TFDP2: variants seen among roughly 807,000 people sequenced by gnomAD.
The protein encoded by TFDP2 is transcription factor Dp-2.
In TFDP2, 17 loss-of-function variants were observed where a neutral mutation model predicts 59.3. The ratio of observed to expected loss-of-function variants is 0.29; its 90% confidence interval spans 0.20 to 0.43. TFDP2 has a LOEUF of 0.43. Ranked by LOEUF, TFDP2 falls within the 20% of genes least tolerant of loss-of-function variation. The pLI, the probability that TFDP2 is intolerant of heterozygous loss-of-function variation, is 1.00. For synonymous variants in TFDP2, 180 were observed against 194.7 expected (o/e 0.92, Z 0.63); for missense variants, 391 against 528.8 (o/e 0.74, Z 2.56).
At chr3:142,042,638 T>C (rs868271639) in intron 3 of TFDP2, among the ~76,000 whole-genome samples, 1,793 of 148,588 alleles carry the variant, frequency 0.012, 41 homozygotes, top group African/African-American at 0.042. Context: ...TTCTTTTTTT[T>C]TTTTTTTTTT....
intron 2 of TFDP2, among the ~76,000 whole-genome samples, chr3:142,095,855 CT>C (rs1308954713): frequency 7.9e-5 from 12 of 152,260 alleles, no homozygotes; most frequent in African/African-American, 2.6e-4. Flanking sequence ...CAAAGACAGC[CT>C]TTAATAAATT....
At chr3:142,051,638 C>G (rs185546910) in intron 3 of TFDP2, among the ~76,000 whole-genome samples, 1 of 152,016 alleles carries the variant, frequency 6.6e-6, no homozygotes, top group Non-Finnish European at 1.5e-5. Context: ...AGATAAGACA[C>G]GTACATCAAT....
At position 142,023,873 on chromosome 3, in the gene TFDP2, C is replaced by T. The variant is rs188644781; in HGVS notation, c.83-18329G>A. ...GGCCGGAGTGCAGTGGCATGATCTC[C>T]ACTCACTGCAGCCCTGACCTGGGCT... On this transcript the variant is annotated intron_variant, in intron 3 of 12. Transcript: ENST00000489671. Among the ~76,000 whole-genome samples, 14 of 152,214 alleles carry T rather than the reference C, an allele frequency of 9.2e-5. No individual in the cohort carries two copies. The East Asian group carries it at 1.2e-3, about 13-fold the overall frequency.
intron 3 of TFDP2, among the ~76,000 whole-genome samples, chr3:142,033,582 C>T (rs1946537764): frequency 6.6e-6 from 1 of 152,048 alleles, no homozygotes; most frequent in Non-Finnish European, 1.5e-5. Context: ...GGAAAGAAAG[C>T]AAAGATTCTA....
intron 11 of TFDP2, among the ~76,000 whole-genome samples, chr3:141,953,800 T>TA (rs1936221776): frequency 9.2e-6 from 1 of 109,128 alleles, no homozygotes; most frequent in African/African-American, 3.7e-5. Flanking sequence ...ACCCCACAAC[T>TA]AGCTCTTATT....
rs566266350 is a variant in TFDP2 at position 142,100,466 on chromosome 3, G to A, written c.15+1269C>T. Among the ~76,000 whole-genome samples the A allele has an allele frequency of 8.5e-5, 13 of 152,242 alleles. No homozygotes were observed. In the East Asian group the frequency reaches 1.7e-3, roughly 20 times the overall value. On this transcript the variant is annotated intron_variant, in intron 2 of 12. Transcript: ENST00000489671. ...CAGCTTACTGCAACCTCCGCCTCCC[G>A]GGTTCAAGGGATTCTCCTGCCTCAG...
intron 9 of TFDP2, among the ~76,000 whole-genome samples, chr3:141,964,707 T>C (rs1308706152): frequency 6.6e-6 from 1 of 152,106 alleles, no homozygotes; most frequent in Non-Finnish European, 1.5e-5. Context: ...CTGTTGAGGC[T>C]GGCTGCAGTG....
intron 6 of TFDP2, chr3:141,988,949 T>C (rs76714911): frequency 0.074 from 11,342 of 152,336 alleles, 526 homozygotes; most frequent in Non-Finnish European, 0.11. Flanking sequence ...CACGCCCGGC[T>C]GGCAATCATG....
chr3:142,114,333 C>T (rs544556398), intron 1 of TFDP2, among the ~76,000 whole-genome samples: 9 of 152,128 alleles, frequency 5.9e-5, no homozygotes, highest in Admixed American at 3.9e-4. Flanking sequence ...AAGCAGTTTT[C>T]ATTTTAAAGT....
intron 3 of TFDP2, among the ~76,000 whole-genome samples, chr3:142,021,368 G>GA (rs1382729709): frequency 6.6e-6 from 1 of 152,182 alleles, no homozygotes; most frequent in Non-Finnish European, 1.5e-5. Context: ...GGAAAAGCCT[G>GA]AATGTTTCTG....
In TFDP2 at chr3:142,018,231, A is replaced by G. The variant is rs145949223; in HGVS notation, c.83-12687T>C. ...AGTGCTAGGATTACAGGCGTCAGCC[A>G]CCGTACCAGGCCTCAATGTTTATTT... is the stretch of plus-strand genomic sequence containing the variant. On this transcript the variant is annotated intron_variant, in intron 3 of 12. Coordinates refer to ENST00000489671, the MANE Select transcript of TFDP2 (RefSeq NM_001178139.2). 2.2e-3 allele frequency among the ~76,000 whole-genome samples: 331 copies of G among 152,230 alleles called. 1 individual carries two copies. The highest frequency in any genetic ancestry group is 7.6e-3 in the African/African-American group (314 of 41,542).
At chr3:142,005,666 T>C in intron 3 of TFDP2, 122 bp from the exon 4 acceptor site, 1 of 612,376 alleles carries the variant, frequency 1.6e-6, no homozygotes, top group Admixed American at 3.4e-5. Flanking sequence ...TTAGGAAGCA[T>C]ATTATGAACA....
intron 3 of TFDP2, among the ~76,000 whole-genome samples, chr3:142,042,625 CTTTTCTT>C (rs1320497367): frequency 2.4e-4 from 17 of 70,628 alleles, no homozygotes; most frequent in African/African-American, 6.3e-4. Flanking sequence ...CTTTTCTTTT[CTTTTCTT>C]TTTTTTTTTT....
At chr3:142,008,059 T>C (rs1944356621) in intron 3 of TFDP2, among the ~76,000 whole-genome samples, 1 of 152,112 alleles carries the variant, frequency 6.6e-6, no homozygotes, top group Non-Finnish European at 1.5e-5. Context: ...ACAGTTACCC[T>C]CTAACTCAGT....
intron 9 of TFDP2, among the ~76,000 whole-genome samples, chr3:141,967,440 G>A (rs1200701086): frequency 6.6e-6 from 1 of 151,034 alleles, no homozygotes; most frequent in African/African-American, 2.4e-5. Context: ...TTACAGGCAT[G>A]CGCCACCATG....
intron 2 of TFDP2, among the ~76,000 whole-genome samples, chr3:142,100,513 C>T (rs2061287746): frequency 6.6e-6 from 1 of 152,216 alleles, no homozygotes; most frequent in Non-Finnish European, 1.5e-5. Flanking sequence ...GCTGGAATTA[C>T]AGGCGTCTGT....
chr3:141,977,759 G>A (rs898226338), intron 7 of TFDP2, among the ~76,000 whole-genome samples: 1 of 151,802 alleles, frequency 6.6e-6, no homozygotes, highest in Non-Finnish European at 1.5e-5. Context: ...CGCCCAGGCT[G>A]GAGTACAGTG....
chr3:142,029,858 A>T (rs1021500938), intron 3 of TFDP2, among the ~76,000 whole-genome samples: 3 of 152,210 alleles, frequency 2.0e-5, no homozygotes, highest in Non-Finnish European at 1.5e-5. Flanking sequence ...AACAGACAAA[A>T]GCCAAACAAA....
intron 6 of TFDP2, among the ~76,000 whole-genome samples, chr3:141,983,916 A>T (rs1308762540): frequency 2.0e-5 from 3 of 152,208 alleles, no homozygotes; most frequent in Non-Finnish European, 4.4e-5. Context: ...TTCTCAAAAA[A>T]AGTAAACATA....
Sources: allele counts gnomAD v4.1 joint callset (sites outside exome capture counted in the v4.1 genomes callset), GRCh38; gene constraint gnomAD v4.1.1; transcripts MANE v1.5; gene names NCBI Gene and HGNC (gene_info 2026-07-23, HGNC 2026-07-21).